The following NBAS variants were observed in gnomAD, a reference collection of about 807,000 sequenced individuals.
NBAS encodes NBAS subunit of NRZ tethering complex.
A neutral mutation model predicts 302.5 loss-of-function variants in NBAS; 219 were observed. The ratio of observed to expected loss-of-function variants is 0.72; its 90% CI spans 0.65 to 0.81. The LOEUF (loss-of-function observed/expected upper bound fraction) is 0.81, where lower values mean the gene tolerates loss of function less well. Ranked by LOEUF, NBAS falls within the 30% of genes least tolerant of loss-of-function variation. NBAS has a pLI of 0.00. For missense variants in NBAS, 2,932 were observed against 2,841.6 expected, an observed-to-expected ratio of 1.03 and a Z score of -0.72; for synonymous variants, 1,118 against 1,021.6, an observed-to-expected ratio of 1.09 and a Z score of -1.80.
intron 38 of NBAS, among the ~76,000 whole-genome samples, chr2:15,325,088 C>T (rs1161003567): frequency 1.3e-5 from 2 of 152,210 alleles, no homozygotes; most frequent in Admixed American, 6.5e-5. Context: ...AAGCAGCCAT[C>T]TTTAAGACCT....
intron 50 of NBAS, among the ~76,000 whole-genome samples, chr2:15,182,419 T>C (rs948898886): frequency 2.6e-5 from 4 of 152,200 alleles, no homozygotes; most frequent in Non-Finnish European, 4.4e-5. Context: ...CTTGACTGAT[T>C]CTAAAAATCA....
At chr2:14,931,398 G>T in the NBAS span, among the ~76,000 whole-genome samples, 1 of 152,306 alleles carries the variant, frequency 6.6e-6, no homozygotes, top group Non-Finnish European at 1.5e-5. Context: ...CTTGTTTCTG[G>T]TGTATCATTG....
At chr2:14,956,023 T>A in the NBAS span, among the ~76,000 whole-genome samples, 1 of 152,204 alleles carries the variant, frequency 6.6e-6, no homozygotes, top group African/African-American at 2.4e-5. Context: ...TCCAAACTTT[T>A]ATGGTCTGCT....
intron 21 of NBAS, among the ~76,000 whole-genome samples, chr2:15,455,618 G>C (rs1031738341): frequency 6.6e-6 from 1 of 151,854 alleles, no homozygotes; most frequent in African/African-American, 2.4e-5. Context: ...TTGGTGCCAA[G>C]CACTGTCCTC....
chr2:15,461,608 CAAT>C (rs1679509545), intron 20 of NBAS, 76 bp downstream of exon 20: 1 of 906,450 alleles, frequency 1.1e-6, no homozygotes, highest in Non-Finnish European at 1.7e-6. Context: ...TATATGCACA[CAAT>C]AACATTAACT....
the NBAS span, among the ~76,000 whole-genome samples, chr2:15,038,772 T>C: frequency 1.3e-5 from 2 of 152,198 alleles, no homozygotes; most frequent in South Asian, 2.1e-4. Context: ...CACTCGAATA[T>C]GTTCCCAAAG....
chr2:14,794,441 A>G, the NBAS span, among the ~76,000 whole-genome samples: 1 of 152,196 alleles, frequency 6.6e-6, no homozygotes, highest in Non-Finnish European at 1.5e-5. Context: ...TTCCTAAAAA[A>G]CTTTTAGCAT....
the NBAS span, among the ~76,000 whole-genome samples, chr2:14,928,696 C>T: frequency 6.6e-5 from 10 of 151,298 alleles, no homozygotes; most frequent in South Asian, 2.1e-4. Flanking sequence ...TTCACTATGA[C>T]GTTAGTTGCT....
chr2:15,467,646 C>T lies in NBAS; in HGVS notation c.2018+18G>A. ...TATTTTAAAGAAACTATCAAATGAA[C>T]AGTAACAACTCATTTACTTGGAAAA... On this transcript the variant is annotated intron_variant, in intron 18 of 51. Transcript: ENST00000281513. 6.2e-7 allele frequency: 1 copy of T among 1,603,710 alleles called. No homozygotes were observed. The highest frequency in any genetic ancestry group is 1.1e-5 in the South Asian group (1 of 90,630).
intron 7 of NBAS, 113 bp from the exon 8 acceptor site, chr2:15,536,664 A>G: frequency 1.0e-6 from 1 of 1,003,236 alleles, no homozygotes; most frequent in Non-Finnish European, 1.5e-6. Context: ...TTTATGTAAG[A>G]TAACTTCAGA....
chr2:15,000,987 G>A, the NBAS span, among the ~76,000 whole-genome samples: 380 of 152,312 alleles, frequency 2.5e-3, 3 homozygotes, highest in Non-Finnish European at 4.0e-3. Context: ...GATGGGAACA[G>A]ACATGGGCAT....
At chr2:15,206,315 G>T (rs1292184266) in intron 48 of NBAS, among the ~76,000 whole-genome samples, 5 of 152,008 alleles carry the variant, frequency 3.3e-5, no homozygotes, top group African/African-American at 1.2e-4. Context: ...GGTTTTTTCT[G>T]AAAGTGTACA....
At chr2:15,522,314 G>A (rs955731985) in intron 9 of NBAS, among the ~76,000 whole-genome samples, 3 of 152,126 alleles carry the variant, frequency 2.0e-5, no homozygotes, top group African/African-American at 7.2e-5. Flanking sequence ...GAATCAATAA[G>A]GCTTGAAGAT....
At chr2:14,912,833 C>T in the NBAS span, among the ~76,000 whole-genome samples, 1 of 152,010 alleles carries the variant, frequency 6.6e-6, no homozygotes, top group African/African-American at 2.4e-5. Flanking sequence ...ATGTTGCCTC[C>T]TATTCTATAT....
At chr2:15,342,504 T>C (rs888774271) in intron 35 of NBAS, among the ~76,000 whole-genome samples, 7 of 151,892 alleles carry the variant, frequency 4.6e-5, no homozygotes, top group Non-Finnish European at 8.8e-5. Context: ...ATAATAAACC[T>C]CCAGGAGACA....
At chr2:15,091,313 A>G in the NBAS span, among the ~76,000 whole-genome samples, 1 of 33,082 alleles carries the variant, frequency 3.0e-5, no homozygotes, top group Non-Finnish European at 7.7e-5. Context: ...GCATGGGTCC[A>G]CTGATATGTG....
In NBAS at chr2:15,366,654, C is replaced by G; in HGVS notation, c.3743G>C (p.Cys1248Ser). Residue 1248 changes from cysteine (C) to serine (S), a missense_variant, in exon 32 of 52, where the codon TGT becomes TCT. Coordinates refer to ENST00000281513, the MANE Select transcript of NBAS (RefSeq NM_015909.4). ...ATAGCATGTGGGGGACTGGGAAATA[C>G]ACTCCTTGATGAGACTGATCCGATC... ...CPDRISLIKECISQSPTCYKQ... is the reference protein window; with the variant it reads ...CPDRISLIKESISQSPTCYKQ... 2 of 1,614,092 alleles carry G rather than the reference C, an allele frequency of 1.2e-6. No individual in the cohort carries two copies. The highest frequency in any genetic ancestry group is 2.2e-5 in the East Asian group (1 of 44,860).
At chr2:14,829,470 A>G in the NBAS span, among the ~76,000 whole-genome samples, 1 of 152,142 alleles carries the variant, frequency 6.6e-6, no homozygotes, top group South Asian at 2.1e-4. Flanking sequence ...TATCCTCACT[A>G]TTATCATTCT....
chr2:15,052,644 C>T, the NBAS span, among the ~76,000 whole-genome samples: 3 of 152,194 alleles, frequency 2.0e-5, no homozygotes, highest in African/African-American at 7.2e-5. Flanking sequence ...GCACCTAATC[C>T]AGCTAAGACT....
Sources: gnomAD v4.1 joint callset for allele counts (sites outside exome capture counted in the v4.1 genomes callset) on GRCh38, gnomAD v4.1.1 for gene constraint, MANE v1.5 for transcripts, NCBI Gene and HGNC (gene_info 2026-07-23, HGNC 2026-07-21) for gene names.